Variants in TPD52L1 observed in about 807,000 individuals in gnomAD.
TPD52L1 encodes TPD52 like 1, also known as tumor protein D53.
In TPD52L1, 18 loss-of-function variants were observed where a neutral mutation model predicts 28.7. The ratio of observed to expected loss-of-function variants is 0.63; its 90% CI spans 0.43 to 0.93. TPD52L1 has a LOEUF of 0.93. Among genes scored for constraint, TPD52L1 ranks in the 40% least tolerant of loss-of-function variants. The probability of loss-of-function intolerance (pLI) is 0.00; values close to 1 mark genes in which losing one functional copy is unlikely to be tolerated. For missense variants in TPD52L1, 203 were observed against 254.8 expected, an observed-to-expected ratio of 0.80 and a Z score of 1.39; for synonymous variants, 75 against 88.8, an observed-to-expected ratio of 0.84 and a Z score of 0.88.
chr6:125,215,065 GTACTTGC>G (rs1183224569), intron 1 of TPD52L1, among the ~76,000 whole-genome samples: 2 of 152,118 alleles, frequency 1.3e-5, no homozygotes, highest in African/African-American at 4.8e-5. Flanking sequence ...TAATATACTG[GTACTTGC>G]TAAAAGTGGT....
chr6:125,165,799 G>C (rs1045600130), intron 1 of TPD52L1, among the ~76,000 whole-genome samples: 2 of 152,084 alleles, frequency 1.3e-5, no homozygotes, highest in Non-Finnish European at 2.9e-5. Flanking sequence ...AAAAAGATCC[G>C]TAAAAGTCAC....
At chr6:125,184,696 A>G (rs535005703) in intron 1 of TPD52L1, among the ~76,000 whole-genome samples, 1 of 152,364 alleles carries the variant, frequency 6.6e-6, no homozygotes, top group Non-Finnish European at 1.5e-5. Flanking sequence ...AAGGGAAGGT[A>G]ACAACTTATA....
At chr6:125,167,855 T>TAAA (rs555392206) in intron 1 of TPD52L1, among the ~76,000 whole-genome samples, 1 of 138,718 alleles carries the variant, frequency 7.2e-6, no homozygotes, top group African/African-American at 2.6e-5. Context: ...AATCTTGTAC[T>TAAA]AAAAAAAAAA....
chr6:125,167,541 A>G (rs997124909), intron 1 of TPD52L1, among the ~76,000 whole-genome samples: 2 of 152,226 alleles, frequency 1.3e-5, no homozygotes, highest in Admixed American at 1.3e-4. Flanking sequence ...TCACGTGACA[A>G]TTTAGAGAAT....
At chr6:125,238,508 C>T (rs1203171286) in intron 3 of TPD52L1, among the ~76,000 whole-genome samples, 2 of 151,788 alleles carry the variant, frequency 1.3e-5, no homozygotes, top group African/African-American at 2.4e-5. Context: ...TCACCCCCCT[C>T]GAACCCTTTC....
intron 1 of TPD52L1, among the ~76,000 whole-genome samples, chr6:125,155,885 AG>A (rs1790085616): frequency 1.3e-5 from 2 of 152,278 alleles, no homozygotes; most frequent in Non-Finnish European, 2.9e-5. Context: ...CAAGCATGGA[AG>A]GTATTAGGTT....
intron 4 of TPD52L1, chr6:125,252,061 G>A (rs984162682): frequency 6.5e-7 from 1 of 1,535,898 alleles, no homozygotes; most frequent in African/African-American, 1.4e-5. Context: ...GCTGCGTGTG[G>A]GGCTTTCCCC....
chr6:125,184,329 A>G lies in TPD52L1; in HGVS notation c.19+30359A>G, dbSNP rs545611601. ...GCAAAATGGATGGGATTTTTTTGAC[A>G]CCACATAGTTAGGGGCAGAAAACTG... is the stretch of plus-strand genomic sequence containing the variant. On this transcript the variant is annotated intron_variant, in intron 1 of 6. Coordinates refer to ENST00000534000, the MANE Select transcript of TPD52L1 (RefSeq NM_003287.4). 2.0e-5 allele frequency among the ~76,000 whole-genome samples: 3 copies of G among 152,312 alleles called. No individual in the cohort carries two copies. The South Asian group carries it at 6.2e-4, about 32-fold the overall frequency.
intron 1 of TPD52L1, among the ~76,000 whole-genome samples, chr6:125,197,599 A>G (rs185956947): frequency 3.9e-4 from 60 of 152,314 alleles, no homozygotes; most frequent in Non-Finnish European, 7.2e-4. Flanking sequence ...TAAGAGGAAG[A>G]ACAGTCAGAA....
At position 125,251,177 on chromosome 6, in the gene TPD52L1, C is replaced by T. The variant is rs147300713; in HGVS notation, c.387-2540C>T. Among the ~76,000 whole-genome samples the T allele has an allele frequency of 6.2e-3, 940 of 152,200 alleles. 11 individuals carry two copies. The highest frequency in any genetic ancestry group is 0.021 in the African/African-American group (888 of 41,542). ...GATTGTTTGTTCAAAAACTAATGTGCCAATTTGTAAATATGGGGAATATGT... is the reference window on the plus strand; with the variant it reads ...GATTGTTTGTTCAAAAACTAATGTGTCAATTTGTAAATATGGGGAATATGT... On this transcript the variant is annotated intron_variant, in intron 4 of 6. Transcript: ENST00000534000.
intron 5 of TPD52L1, among the ~76,000 whole-genome samples, chr6:125,254,438 G>A (rs530909519): frequency 6.6e-6 from 1 of 151,990 alleles, no homozygotes; most frequent in African/African-American, 2.4e-5. Context: ...TGCACTCTTG[G>A]GAAAATCACC....
chr6:125,162,751 G>A (rs922153082), intron 1 of TPD52L1, among the ~76,000 whole-genome samples: 1 of 152,180 alleles, frequency 6.6e-6, no homozygotes, highest in African/African-American at 2.4e-5. Context: ...TTGTTATGGG[G>A]ATTTAACATG....
chr6:125,170,878 C>G (rs1791256479), intron 1 of TPD52L1, among the ~76,000 whole-genome samples: 4 of 150,886 alleles, frequency 2.7e-5, no homozygotes, highest in Admixed American at 2.6e-4. Flanking sequence ...GCCTCCTCTT[C>G]TAGACCATGT....
intron 1 of TPD52L1, among the ~76,000 whole-genome samples, chr6:125,215,780 AG>A (rs201041488): frequency 7.1e-6 from 1 of 140,286 alleles, no homozygotes; most frequent in Non-Finnish European, 1.6e-5. Flanking sequence ...CCAGTTAAAC[AG>A]GGTTTTGAAC....
chr6:125,178,751 G>C (rs1404897100), intron 1 of TPD52L1, among the ~76,000 whole-genome samples: 1 of 152,164 alleles, frequency 6.6e-6, no homozygotes, highest in Non-Finnish European at 1.5e-5. Flanking sequence ...GGTGGTTGCA[G>C]ATGATGCTAC....
At chr6:125,229,089 T>C in intron 2 of TPD52L1, 29 bp from the exon 3 acceptor site, 1 of 1,603,262 alleles carries the variant, frequency 6.2e-7, no homozygotes, top group South Asian at 1.1e-5. Context: ...TCTGACATTT[T>C]CCCCCACCAT....
chr6:125,239,285 C>T (rs1364564121), intron 3 of TPD52L1, among the ~76,000 whole-genome samples: 1 of 152,110 alleles, frequency 6.6e-6, no homozygotes, highest in African/African-American at 2.4e-5. Context: ...TGAGAATTGT[C>T]TATTCACGTC....
At chr6:125,199,090 T>C (rs1562268016) in intron 1 of TPD52L1, among the ~76,000 whole-genome samples, 1 of 152,244 alleles carries the variant, frequency 6.6e-6, no homozygotes, top group Non-Finnish European at 1.5e-5. Flanking sequence ...TAAACCTTGC[T>C]ATGAAACAAA....
chr6:125,197,715 C>T (rs1480868560), intron 1 of TPD52L1, among the ~76,000 whole-genome samples: 3 of 152,154 alleles, frequency 2.0e-5, no homozygotes, highest in South Asian at 2.1e-4. Context: ...GCCCACTAAG[C>T]GTCAGAGGTG....
Sources: gnomAD v4.1 joint callset for allele counts (sites outside exome capture counted in the v4.1 genomes callset) on GRCh38, gnomAD v4.1.1 for gene constraint, MANE v1.5 for transcripts, NCBI Gene and HGNC (gene_info 2026-07-23, HGNC 2026-07-21) for gene names.